SMC2: variants seen among roughly 807,000 people sequenced by gnomAD.
SMC2 encodes the protein structural maintenance of chromosomes 2.
Under a neutral mutation model 142.6 loss-of-function variants are expected in SMC2, and 41 were observed. That is an observed-to-expected ratio of 0.29 (90% CI 0.22 to 0.37). SMC2 has a LOEUF of 0.37. Ranked by LOEUF, SMC2 falls within the 10% of genes least tolerant of loss-of-function variation. SMC2 has a pLI of 1.00. For missense variants in SMC2, 1,265 were observed against 1,373.7 expected (o/e 0.92, Z 1.25); for synonymous variants, 463 against 457.5 (o/e 1.01, Z -0.15).
At chr9:104,099,731 T>C in intron 5 of SMC2, 49 bp downstream of exon 5, 1 of 1,133,264 alleles carries the variant, frequency 8.8e-7, no homozygotes. Flanking sequence ...TAGATATTAC[T>C]TTAATCTTTC....
rs531295209 is a variant in SMC2 at position 104,111,853 on chromosome 9, T to C, written c.1254+39T>C. 142 of 1,398,934 alleles carry C rather than the reference T, an allele frequency of 1.0e-4. 1 individual carries two copies. The highest frequency in any genetic ancestry group is 9.3e-4 in the South Asian group (73 of 78,552). 86.7% of individuals were successfully genotyped at this position (1,398,934 alleles called of 1,614,324 possible). Reference sequence around the variant, plus strand: ...TTAGCACTATGTGATTGCTTTTTTTTCCAAGAAGTTTCTTTTCATGTTATG... The same window carrying C: ...TTAGCACTATGTGATTGCTTTTTTTCCCAAGAAGTTTCTTTTCATGTTATG... On this transcript the variant is annotated intron_variant, in intron 10 of 24. Transcript: ENST00000374793.
chr9:104,088,353 A>C, the SMC2 span, among the ~76,000 whole-genome samples: 1 of 152,176 alleles, frequency 6.6e-6, no homozygotes, highest in Non-Finnish European at 1.5e-5. Flanking sequence ...TATTTATTAA[A>C]TATCTACTAT....
At chr9:104,127,119 GATTAGTCCTTTT>G (rs1270425590) in intron 19 of SMC2, among the ~76,000 whole-genome samples, 155 bp from the exon 20 acceptor site, 5 of 152,144 alleles carry the variant, frequency 3.3e-5, no homozygotes, top group Non-Finnish European at 7.4e-5. Context: ...TGTATAAATT[GATTAGTCCTTTT>G]AATGGTGATA....
Position 104,134,583 on chromosome 9 carries a change from A to G in SMC2, c.3269+8A>G. On this transcript the variant is annotated splice_region_variant and intron_variant, in intron 23 of 24. Coordinates refer to ENST00000374793, the MANE Select transcript of SMC2 (RefSeq NM_006444.3). ...ACTTAGTGGTGGTCAGAGGTGAGGA[A>G]TCACTTTGCTATATTATAATTTTCA... The G allele has an allele frequency of 6.5e-7, 1 of 1,529,082 alleles. No individual in the cohort carries two copies. The highest frequency in any genetic ancestry group is 8.7e-7 in the Non-Finnish European group (1 of 1,143,106). 94.7% of individuals were successfully genotyped at this position (1,529,082 alleles called of 1,614,324 possible).
intron 3 of SMC2, among the ~76,000 whole-genome samples, chr9:104,097,650 T>A (rs1830610890): frequency 6.6e-6 from 1 of 152,182 alleles, no homozygotes; most frequent in Admixed American, 6.5e-5. Context: ...CCTGTCCTCA[T>A]TCAGGCCATA....
Position 104,127,327 on chromosome 9 carries a change from A to G in SMC2, c.2637A>G (p.Lys879=), listed in dbSNP as rs754214436. 15 of 1,600,204 alleles carry G rather than the reference A, an allele frequency of 9.4e-6. No homozygotes were observed. Among genetic ancestry groups the G allele is most frequent in the Non-Finnish European group, 1.3e-5 (15 of 1,172,806 alleles). The part of the protein sequence containing the change: ...NKAQEEVTKQ[K]EVITAQDTVI... ...CTCAAGAAGAGGTGACCAAGCAAAA[A>G]GAGGTGATAACAGCCCAAGACACTG... Residue 879 remains lysine (K), a synonymous_variant, in exon 20 of 25, where the codon AAA becomes AAG. Coordinates refer to ENST00000374793, the MANE Select transcript of SMC2 (RefSeq NM_006444.3).
chr9:104,133,888 C>T (rs1199642984), intron 22 of SMC2, among the ~76,000 whole-genome samples: 2 of 152,234 alleles, frequency 1.3e-5, no homozygotes, highest in African/African-American at 2.4e-5. Flanking sequence ...CCTTTTTCTC[C>T]TGGGCCTCAC....
intron 22 of SMC2, among the ~76,000 whole-genome samples, chr9:104,132,489 A>G (rs1835091604): frequency 6.6e-6 from 1 of 152,092 alleles, no homozygotes; most frequent in Admixed American, 6.6e-5. Flanking sequence ...TGTCTCCTAT[A>G]GGATAATTCC....
intron 12 of SMC2, 146 bp from the exon 13 acceptor site, chr9:104,114,545 T>A (rs1832863331): frequency 1.6e-6 from 1 of 631,610 alleles, no homozygotes; most frequent in Non-Finnish European, 2.7e-6. Context: ...TGGGACATTT[T>A]AAAATTTTTG....
At chr9:104,102,333 TAA>T in intron 8 of SMC2, 89 bp from the exon 9 acceptor site, 2 of 1,266,324 alleles carry the variant, frequency 1.6e-6, no homozygotes, top group Non-Finnish European at 2.2e-6. Flanking sequence ...AAATAACTTA[TAA>T]AAAAGTGTTT....
At chr9:104,098,317 A>G (rs1830693144) in intron 3 of SMC2, 129 bp from the exon 4 acceptor site, 2 of 678,272 alleles carry the variant, frequency 2.9e-6, no homozygotes, top group East Asian at 3.3e-5. Context: ...TTGTTCCACT[A>G]TTTATGCAGA....
Position 104,116,421 on chromosome 9 carries a change from A to AAAATT in SMC2, c.1791+106_1791+110dup, listed in dbSNP as rs1336237496. 1.2e-5 allele frequency: 13 copies of AAAATT among 1,114,808 alleles called. No individual in the cohort carries two copies. In the Admixed American group the frequency reaches 1.8e-4, roughly 15 times the overall value. The allele number at this position is 1,114,808 out of a possible 1,614,324, so 69.1% of individuals were successfully genotyped here. ...GGGACATAATCATATGCAGAACCAC[A>AAAATT]AAATTAAAATACAAAAAAATTGGGT... On this transcript the variant is annotated intron_variant, in intron 14 of 24. Transcript: ENST00000374793.
chr9:104,129,095 C>G (rs1269157963), intron 20 of SMC2, among the ~76,000 whole-genome samples: 3 of 152,128 alleles, frequency 2.0e-5, no homozygotes, highest in East Asian at 3.9e-4. Context: ...TGAGTTGGCT[C>G]TTCTAATGCC....
In SMC2 at chr9:104,120,127, A is replaced by G. The variant is rs1406233689; in HGVS notation, c.2097A>G (p.Glu699=). ...RIKENELRAL[E]EELAGLKNTA... is the part of the protein sequence containing the mutation. The stretch of plus-strand genomic sequence containing the variant: ...AAGAGAATGAGCTGCGGGCTCTAGA[A>G]GAGGAATTAGCAGGTCTTAAAAACA... The change falls in exon 16 of 25, where the codon GAA becomes GAG. Residue 699 remains glutamate (E), a synonymous_variant. Transcript: ENST00000374793. 6.2e-7 allele frequency: 1 copy of G among 1,613,470 alleles called. No homozygotes were observed. Among genetic ancestry groups the G allele is most frequent in the Non-Finnish European group, 8.5e-7 (1 of 1,179,828 alleles).
upstream of SMC2, chr9:104,092,014 A>G (rs1829989979): frequency 6.6e-6 from 1 of 151,978 alleles, no homozygotes; most frequent in South Asian, 2.1e-4. Context: ...TCTACCCTAT[A>G]CTCTCTGTTT....
chr9:104,091,538 T>C (rs151241947), upstream of SMC2, among the ~76,000 whole-genome samples: 380 of 152,304 alleles, frequency 2.5e-3, 1 homozygote, highest in Non-Finnish European at 3.4e-3. Flanking sequence ...ACTCCTTCTC[T>C]GAAAAAATAA....
chr9:104,126,677 A>AAG lies in SMC2; in HGVS notation c.2495_2496dup (p.His833SerfsTer12). On this transcript the variant is annotated frameshift_variant, in exon 19 of 25. Coordinates refer to ENST00000374793, the MANE Select transcript of SMC2 (RefSeq NM_006444.3). LOFTEE classifies it high-confidence loss of function. ...TATCACTCTGGAACTGGAAGAGCTC[A>AAG]AGAGAGAGCATACATCTTACAAACA... 6.2e-7 allele frequency: 1 copy of AAG among 1,612,024 alleles called. No individual in the cohort carries two copies. The highest frequency in any genetic ancestry group is 8.5e-7 in the Non-Finnish European group (1 of 1,179,244).
upstream of SMC2, chr9:104,094,195 G>A: frequency 2.5e-6 from 1 of 393,342 alleles, no homozygotes. Context: ...ATTGCCCTGC[G>A]GCTTTAATCC....
intron 7 of SMC2, among the ~76,000 whole-genome samples, chr9:104,101,634 ATAC>A (rs971037487): frequency 2.6e-5 from 4 of 152,322 alleles, no homozygotes; most frequent in African/African-American, 4.8e-5. Context: ...AGGCATCTTG[ATAC>A]TACTACTACA....
Sources: gnomAD v4.1 joint callset for allele counts (sites outside exome capture counted in the v4.1 genomes callset) on GRCh38, gnomAD v4.1.1 for gene constraint, MANE v1.5 for transcripts, NCBI Gene and HGNC (gene_info 2026-07-23, HGNC 2026-07-21) for gene names.